Variants in RASGRF2 observed in about 807,000 individuals in gnomAD.
RASGRF2 encodes Ras protein specific guanine nucleotide releasing factor 2, also known as ras-specific guanine nucleotide-releasing factor 2.
Under a neutral mutation model 151.0 loss-of-function variants are expected in RASGRF2, and 76 were observed. The observed-to-expected ratio is 0.50, with a 90% CI of 0.42 to 0.61. The LOEUF is 0.61. Among genes scored for constraint, RASGRF2 ranks in the 20% least tolerant of loss-of-function variants. The pLI, the probability that RASGRF2 is intolerant of heterozygous loss-of-function variation, is 0.00. For synonymous variants in RASGRF2, 504 were observed against 566.5 expected (o/e 0.89, Z 1.57); for missense variants, 1,148 against 1,564.6 (o/e 0.73, Z 4.49).
At position 81,230,097 on chromosome 5, in the gene RASGRF2, C is replaced by T. The variant is rs912412861; in HGVS notation, c.*4327C>T. On this transcript the variant is annotated 3_prime_UTR_variant, in exon 27 of 27. Coordinates refer to ENST00000265080, the MANE Select transcript of RASGRF2 (RefSeq NM_006909.3). ...CAGAGGGGTTTGTGCTGTGGCCTAA[C>T]ACTTGCCAAGTGAGGTGTAGGTTAT... is the stretch of plus-strand genomic sequence containing the variant. 1.3e-5 allele frequency: 2 copies of T among 152,232 alleles called. No individual in the cohort carries two copies. Among genetic ancestry groups the T allele is most frequent in the African/African-American group, 4.8e-5 (2 of 41,456 alleles). The allele number at this position is 152,232 out of a possible 1,614,324, so 9.4% of individuals were successfully genotyped here. A position where few individuals can be genotyped will look rare whatever the true frequency, so the allele number is the denominator to read the frequency against.
chr5:81,133,546 A>G (rs1371392791), intron 17 of RASGRF2, among the ~76,000 whole-genome samples: 1 of 152,256 alleles, frequency 6.6e-6, no homozygotes, highest in Non-Finnish European at 1.5e-5. Flanking sequence ...CATTGCACTT[A>G]CTATACACCT....
chr5:81,183,086 A>T (rs777811192), intron 18 of RASGRF2: 17 of 762,784 alleles, frequency 2.2e-5, no homozygotes, highest in Non-Finnish European at 2.7e-5. Flanking sequence ...TTGAATCAGT[A>T]GCTTTTAAAA....
At chr5:81,217,262 AAGG>A in intron 24 of RASGRF2, 91 bp from the exon 25 acceptor site, 1 of 1,492,494 alleles carries the variant, frequency 6.7e-7, no homozygotes, top group Non-Finnish European at 8.9e-7. Context: ...TTCAGTACCA[AAGG>A]AGGATACTTT....
intron 2 of RASGRF2, among the ~76,000 whole-genome samples, chr5:81,058,328 T>C (rs1751297937): frequency 6.6e-6 from 1 of 152,050 alleles, no homozygotes; most frequent in Non-Finnish European, 1.5e-5. Context: ...ACCTAGTAAA[T>C]GGAAAATTTA....
chr5:81,105,419 G>T (rs756349804), intron 12 of RASGRF2, among the ~76,000 whole-genome samples: 2 of 152,140 alleles, frequency 1.3e-5, no homozygotes, highest in Non-Finnish European at 2.9e-5. Flanking sequence ...TCCCCACCTT[G>T]TCTGGGCTCC....
intron 1 of RASGRF2, among the ~76,000 whole-genome samples, chr5:81,011,297 A>T (rs1286751748): frequency 7.2e-5 from 11 of 151,876 alleles, no homozygotes; most frequent in Non-Finnish European, 5.9e-5. Context: ...GAAACTATTT[A>T]TTCATGATAT....
chr5:81,219,940 A>C, intron 26 of RASGRF2, 162 bp downstream of exon 26: 1 of 555,224 alleles, frequency 1.8e-6, no homozygotes, highest in Non-Finnish European at 3.2e-6. Flanking sequence ...AAAAAAAAAA[A>C]AGAACATCAA....
chr5:80,978,529 T>A (rs1364052146), intron 1 of RASGRF2, among the ~76,000 whole-genome samples: 1 of 152,204 alleles, frequency 6.6e-6, no homozygotes. Flanking sequence ...ATGCCTATAA[T>A]CAATTCCTGC....
intron 1 of RASGRF2, among the ~76,000 whole-genome samples, chr5:81,020,205 C>T (rs949012939): frequency 3.3e-5 from 5 of 152,160 alleles, no homozygotes; most frequent in East Asian, 1.9e-4. Flanking sequence ...AAGAGTCTTT[C>T]GTGAACCTGC....
chr5:81,085,483 C>T (rs1163539013), intron 7 of RASGRF2, among the ~76,000 whole-genome samples: 2 of 152,046 alleles, frequency 1.3e-5, no homozygotes, highest in Non-Finnish European at 2.9e-5. Flanking sequence ...ATCTGTTTCC[C>T]TCTGAACCAG....
At chr5:81,108,228 A>T in intron 12 of RASGRF2, among the ~76,000 whole-genome samples, 1 of 152,232 alleles carries the variant, frequency 6.6e-6, no homozygotes, top group East Asian at 1.9e-4. Flanking sequence ...TTCAAAGGGA[A>T]TATGTATAAG....
intron 18 of RASGRF2, among the ~76,000 whole-genome samples, chr5:81,193,373 G>T (rs1322738351): frequency 6.6e-6 from 1 of 152,166 alleles, no homozygotes; most frequent in African/African-American, 2.4e-5. Flanking sequence ...TATTCAGACT[G>T]GAAACCACAG....
chr5:81,223,917 A>G (rs1323432819), intron 26 of RASGRF2, among the ~76,000 whole-genome samples: 2 of 152,208 alleles, frequency 1.3e-5, no homozygotes, highest in Non-Finnish European at 2.9e-5. Context: ...TAAAATATTC[A>G]TGACCTTTGG....
chr5:81,116,966 C>A (rs990111282), intron 15 of RASGRF2, among the ~76,000 whole-genome samples: 1 of 152,154 alleles, frequency 6.6e-6, no homozygotes, highest in Admixed American at 6.5e-5. Context: ...TTGCTTCCAC[C>A]TCTTGGCTGT....
intron 17 of RASGRF2, among the ~76,000 whole-genome samples, chr5:81,145,761 A>C (rs1342096168): frequency 6.6e-6 from 1 of 152,008 alleles, no homozygotes; most frequent in Non-Finnish European, 1.5e-5. Flanking sequence ...GGACACCTGG[A>C]CTCCAGCCGC....
At chr5:81,030,601 G>A (rs987321911) in intron 1 of RASGRF2, among the ~76,000 whole-genome samples, 8 of 152,176 alleles carry the variant, frequency 5.3e-5, no homozygotes, top group Admixed American at 6.5e-5. Context: ...AGCAAATGCT[G>A]AGAGATTTTG....
chr5:81,026,978 A>G (rs928370002), intron 1 of RASGRF2, among the ~76,000 whole-genome samples: 4 of 152,310 alleles, frequency 2.6e-5, no homozygotes, highest in Middle Eastern at 6.8e-3. Flanking sequence ...AAGAATTTGC[A>G]CATAGGTGTT....
rs1381790383 is a variant in RASGRF2, at chr5:81,110,600, G to A, written c.1838+1522G>A. The stretch of plus-strand genomic sequence containing the variant: ...ACAAATAGAATGTGAAAATCATGAC[G>A]CTTATTAGGTGAAAATATCCCTTTA... On this transcript the variant is annotated intron_variant, in intron 13 of 26. Transcript: ENST00000265080. 7.9e-5 allele frequency among the ~76,000 whole-genome samples: 12 copies of A among 152,092 alleles called. No homozygotes were observed. The East Asian group carries it at 1.2e-3, about 15-fold the overall frequency.
chr5:81,139,515 C>T (rs773026482), intron 17 of RASGRF2, among the ~76,000 whole-genome samples: 9 of 151,598 alleles, frequency 5.9e-5, no homozygotes, highest in Non-Finnish European at 1.2e-4. Flanking sequence ...CAGCTGCCAC[C>T]ACACACACTA....
Sources: allele counts gnomAD v4.1 joint callset (sites outside exome capture counted in the v4.1 genomes callset), GRCh38; gene constraint gnomAD v4.1.1; transcripts MANE v1.5; gene names NCBI Gene and HGNC (gene_info 2026-07-23, HGNC 2026-07-21).